DEFB131B: variants seen among roughly 807,000 people sequenced by gnomAD.
DEFB131B encodes beta-defensin 131B.
A neutral mutation model predicts 2.1 loss-of-function variants in DEFB131B; 2 were observed. The observed-to-expected ratio is 0.94, with a 90% CI of 0.38 to 2.95. The LOEUF (loss-of-function observed/expected upper bound fraction) is 2.95. Ranked by LOEUF, DEFB131B falls within the 30% of genes most tolerant of loss-of-function variation. DEFB131B has a pLI of 0.09. For missense variants in DEFB131B, 77 were observed against 78.5 expected, an observed-to-expected ratio of 0.98 and a Z score of 0.07; for synonymous variants, 26 against 25.8, an observed-to-expected ratio of 1.01 and a Z score of -0.03.
rs58437472 is a variant in DEFB131B at position 71,883,578 on chromosome 11, A to T, written c.59-829A>T. 4.0e-3 allele frequency among the ~76,000 whole-genome samples: 606 copies of T among 152,344 alleles called. 8 individuals carry two copies. The highest frequency in any genetic ancestry group is 0.014 in the African/African-American group (586 of 41,576). On this transcript the variant is annotated intron_variant, in intron 1 of 1. Coordinates refer to ENST00000530210, the MANE Select transcript of DEFB131B (RefSeq NM_001242853.1). ...ACTGGGCCTGTATCTTACACTACAC[A>T]CAAAAAGCAATTCAAAATGAACTAC...
intron 1 of DEFB131B, among the ~76,000 whole-genome samples, chr11:71,880,877 C>T (rs1188590278): frequency 6.6e-6 from 1 of 152,080 alleles, no homozygotes; most frequent in Non-Finnish European, 1.5e-5. Context: ...CTAGAATATA[C>T]TTGATATAAT....
chr11:71,881,497 G>A (rs1334522858), intron 1 of DEFB131B, among the ~76,000 whole-genome samples: 1 of 152,032 alleles, frequency 6.6e-6, no homozygotes, highest in African/African-American at 2.4e-5. Context: ...CTTGCAGCTG[G>A]TTGCCTTCTT....
chr11:71,879,198 C>G (rs1248216468), intron 1 of DEFB131B, among the ~76,000 whole-genome samples: 1 of 152,146 alleles, frequency 6.6e-6, no homozygotes, highest in Non-Finnish European at 1.5e-5. Flanking sequence ...CACCACTGAT[C>G]CAGGCAAGGA....
At chr11:71,882,965 T>G (rs1457300240) in intron 1 of DEFB131B, among the ~76,000 whole-genome samples, 1 of 152,050 alleles carries the variant, frequency 6.6e-6, no homozygotes, top group Admixed American at 6.5e-5. Flanking sequence ...AGCAAGCAAC[T>G]GGAAAGCAAG....
chr11:71,883,316 C>T (rs1439188258), intron 1 of DEFB131B, among the ~76,000 whole-genome samples: 7 of 152,092 alleles, frequency 4.6e-5, no homozygotes, highest in Non-Finnish European at 8.8e-5. Context: ...AAGCTAGGGG[C>T]ATCACATTTT....
At chr11:71,880,808 AT>A (rs1952556343) in intron 1 of DEFB131B, among the ~76,000 whole-genome samples, 1 of 152,156 alleles carries the variant, frequency 6.6e-6, no homozygotes, top group African/African-American at 2.4e-5. Context: ...TTTCCATGTT[AT>A]CTGTATAGTT....
chr11:71,882,787 T>C (rs1452849300), intron 1 of DEFB131B, among the ~76,000 whole-genome samples: 7 of 152,192 alleles, frequency 4.6e-5, no homozygotes, highest in Admixed American at 2.0e-4. Context: ...ATCCAAACTG[T>C]TGGGGGGTGG....
In DEFB131B at chr11:71,878,835, A is replaced by C. The variant is rs1952541604; in HGVS notation, c.58+325A>C. Among the ~76,000 whole-genome samples the C allele has an allele frequency of 2.0e-5, 3 of 151,930 alleles. No individual in the cohort carries two copies. The South Asian group carries it at 6.2e-4, about 32-fold the overall frequency. On this transcript the variant is annotated intron_variant, in intron 1 of 1. Coordinates refer to ENST00000530210, the MANE Select transcript of DEFB131B (RefSeq NM_001242853.1). ...GTGAAACCCCATCTCTACAAAAAAA[A>C]AAAAAATACAAAAAATTAGTCAGGT...
In DEFB131B at chr11:71,879,021, A is replaced by C. The variant is rs78823355; in HGVS notation, c.58+511A>C. ...TCTCAAAAAATAATCATAAAAAAAA[A>C]TAAACTTACTTGAGAGTTGTGTTTG... is the stretch of plus-strand genomic sequence containing the variant. On this transcript the variant is annotated intron_variant, in intron 1 of 1. Transcript: ENST00000530210. Among the ~76,000 whole-genome samples the C allele has an allele frequency of 1.6e-4, 24 of 152,276 alleles. No homozygotes were observed. The South Asian group carries it at 5.0e-3, about 32-fold the overall frequency.
chr11:71,880,114 A>C (rs1952550822), intron 1 of DEFB131B, among the ~76,000 whole-genome samples: 1 of 152,102 alleles, frequency 6.6e-6, no homozygotes, highest in Non-Finnish European at 1.5e-5. Flanking sequence ...ATAAATTTTA[A>C]AATGTGCTCT....
At chr11:71,881,414 C>T (rs1389211405) in intron 1 of DEFB131B, among the ~76,000 whole-genome samples, 1 of 152,104 alleles carries the variant, frequency 6.6e-6, no homozygotes, top group Non-Finnish European at 1.5e-5. Context: ...AGTTCATTTT[C>T]TCACAGTTCT....
At chr11:71,878,721 A>G (rs942610123) in intron 1 of DEFB131B, among the ~76,000 whole-genome samples, 2 of 152,138 alleles carry the variant, frequency 1.3e-5, no homozygotes, top group African/African-American at 4.8e-5. Context: ...GAGGCCAGGC[A>G]CAGTGGCTCA....
intron 1 of DEFB131B, among the ~76,000 whole-genome samples, chr11:71,883,487 G>A (rs1443042510): frequency 6.6e-6 from 1 of 152,044 alleles, no homozygotes; most frequent in African/African-American, 2.4e-5. Flanking sequence ...ATATATAATG[G>A]GGAAAAGATG....
At position 71,884,493 on chromosome 11, in the gene DEFB131B, T is replaced by TA. The variant is rs755558547; in HGVS notation, c.146dup (p.Tyr49Ter). 5 of 1,610,538 alleles carry TA rather than the reference T, an allele frequency of 3.1e-6. No homozygotes were observed. In the African/African-American group the frequency reaches 6.7e-5, roughly 22 times the overall value. ...CAATGCTGATGAACATGCAATTAGA[T>TA]ACTGTGCTGACTTCAGCATCTGCTG... is the stretch of plus-strand genomic sequence containing the variant. ...KCNADEHAIR[Y>*]CADFSICCKL... Residue 49 changes from tyrosine (Y) to a stop codon, truncating the protein, a stop_gained and frameshift_variant, in exon 2 of 2, where the codon TAC becomes TAAC. Coordinates refer to ENST00000530210, the MANE Select transcript of DEFB131B (RefSeq NM_001242853.1). LOFTEE classifies it low-confidence loss of function (END_TRUNC).
chr11:71,880,615 T>A (rs1952554467), intron 1 of DEFB131B, among the ~76,000 whole-genome samples: 1 of 152,186 alleles, frequency 6.6e-6, no homozygotes, highest in African/African-American at 2.4e-5. Context: ...AGCTTGTTTA[T>A]AATCTTACTA....
intron 1 of DEFB131B, among the ~76,000 whole-genome samples, chr11:71,882,015 C>T (rs188787046): frequency 6.6e-6 from 1 of 151,526 alleles, no homozygotes; most frequent in East Asian, 1.9e-4. Flanking sequence ...GAGAGAATAC[C>T]AAGCAAGATA....
At chr11:71,883,560 C>T (rs1224407819) in intron 1 of DEFB131B, among the ~76,000 whole-genome samples, 1 of 152,138 alleles carries the variant, frequency 6.6e-6, no homozygotes, top group Non-Finnish European at 1.5e-5. Context: ...AAAACTGGGC[C>T]TGTATCTTAC....
chr11:71,884,494 A>T lies in DEFB131B; in HGVS notation c.146A>T (p.Tyr49Phe), dbSNP rs780691037. The change falls in exon 2 of 2, where the codon TAC becomes TTC. Residue 49 changes from tyrosine to phenylalanine, a missense_variant. Physicochemically the swap from Tyr to Phe is conservative, Grantham distance 22. Transcript: ENST00000530210. ...KCNADEHAIR[Y>F]CADFSICCKL... ...AATGCTGATGAACATGCAATTAGATACTGTGCTGACTTCAGCATCTGCTGC... is the reference window on the plus strand; with the variant it reads ...AATGCTGATGAACATGCAATTAGATTCTGTGCTGACTTCAGCATCTGCTGC... The T allele has an allele frequency of 1.2e-6, 2 of 1,610,482 alleles. No homozygotes were observed. Among genetic ancestry groups the T allele is most frequent in the Admixed American group, 3.3e-5 (2 of 59,962 alleles).
At chr11:71,878,854 G>C in intron 1 of DEFB131B, among the ~76,000 whole-genome samples, 1 of 151,830 alleles carries the variant, frequency 6.6e-6, no homozygotes, top group Admixed American at 6.6e-5. Context: ...CAAAAAATTA[G>C]TCAGGTATAG....
Sources: allele counts gnomAD v4.1 joint callset (sites outside exome capture counted in the v4.1 genomes callset), GRCh38; gene constraint gnomAD v4.1.1; transcripts MANE v1.5; gene names NCBI Gene and HGNC (gene_info 2026-07-23, HGNC 2026-07-21).